ELAVL2: variants seen among roughly 807,000 people sequenced by gnomAD.
The protein encoded by ELAVL2 is ELAV like RNA binding protein 2.
A neutral mutation model predicts 34.6 loss-of-function variants in ELAVL2; 4 were observed. The ratio of observed to expected loss-of-function variants is 0.12; its 90% CI spans 0.06 to 0.26. The LOEUF is 0.26. Ranked by LOEUF, ELAVL2 falls within the 10% of genes least tolerant of loss-of-function variation. The probability of loss-of-function intolerance (pLI) is 1.00; values close to 1 mark genes in which losing one functional copy is unlikely to be tolerated. For missense variants in ELAVL2, 432 were observed against 442.8 expected, an observed-to-expected ratio of 0.98 and a Z score of 0.22; for synonymous variants, 193 against 154.8, an observed-to-expected ratio of 1.25 and a Z score of -1.83.
At chr9:23,772,230 T>G (rs567090607) in intron 1 of ELAVL2, among the ~76,000 whole-genome samples, 1 of 152,098 alleles carries the variant, frequency 6.6e-6, no homozygotes, top group East Asian at 1.9e-4. Flanking sequence ...ATCCTCAAAT[T>G]AATCCCAGTA....
chr9:23,739,677 T>C (rs572705839), intron 2 of ELAVL2, among the ~76,000 whole-genome samples: 1 of 152,102 alleles, frequency 6.6e-6, no homozygotes, highest in African/African-American at 2.4e-5. Flanking sequence ...CAAAATAGTA[T>C]TGTGGTAGAG....
intron 5 of ELAVL2, among the ~76,000 whole-genome samples, chr9:23,699,664 A>C (rs768856409): frequency 1.3e-5 from 2 of 152,088 alleles, no homozygotes; most frequent in Non-Finnish European, 2.9e-5. Flanking sequence ...TATTCACTTA[A>C]GATGTCACAG....
rs2032874194 is a variant in ELAVL2 at position 23,690,640 on chromosome 9, A to G, written c.*1917T>C. The G allele has an allele frequency of 6.6e-6, 1 of 152,480 alleles. No individual in the cohort carries two copies. The highest frequency in any genetic ancestry group is 2.4e-5 in the African/African-American group (1 of 41,402). 9.4% of individuals were successfully genotyped at this position (152,480 alleles called of 1,614,324 possible). On this transcript the variant is annotated 3_prime_UTR_variant, in exon 7 of 7. Coordinates refer to ENST00000397312, the MANE Select transcript of ELAVL2 (RefSeq NM_004432.5). Reference sequence around the variant, plus strand: ...AAAAATTTTATAACTACAATTTTAAATAATAAAAAATAAAACTCAAAGCAA... The same window carrying G: ...AAAAATTTTATAACTACAATTTTAAGTAATAAAAAATAAAACTCAAAGCAA...
At chr9:23,741,960 C>T (rs1248583423) in intron 2 of ELAVL2, among the ~76,000 whole-genome samples, 11 of 152,108 alleles carry the variant, frequency 7.2e-5, no homozygotes, top group Admixed American at 7.2e-4. Context: ...TACAGGCCTT[C>T]TAGAGTAATG....
intron 2 of ELAVL2, among the ~76,000 whole-genome samples, chr9:23,746,747 A>T (rs1168412908): frequency 6.6e-6 from 1 of 151,924 alleles, no homozygotes; most frequent in Admixed American, 6.6e-5. Context: ...GACCCTAATG[A>T]AATGTAAGAC....
chr9:23,774,084 G>A (rs187758705), intron 1 of ELAVL2, among the ~76,000 whole-genome samples: 2 of 151,638 alleles, frequency 1.3e-5, no homozygotes, highest in South Asian at 2.1e-4. Flanking sequence ...GGTGGCGGGC[G>A]CCTGTAGTCC....
chr9:23,717,208 A>C (rs937442938), intron 3 of ELAVL2, among the ~76,000 whole-genome samples: 1 of 152,216 alleles, frequency 6.6e-6, no homozygotes, highest in African/African-American at 2.4e-5. Context: ...ATGAAAATAT[A>C]ATGATCCTTT....
chr9:23,829,455 AG>A (rs2065430250), upstream of ELAVL2, among the ~76,000 whole-genome samples: 1 of 152,244 alleles, frequency 6.6e-6, no homozygotes, highest in Non-Finnish European at 1.5e-5. Flanking sequence ...AAGTAAATAA[AG>A]AAGTTAAACT....
chr9:23,805,226 C>T lies in ELAVL2; in HGVS notation c.-16+20580G>A, dbSNP rs533191292. 7.2e-5 allele frequency among the ~76,000 whole-genome samples: 11 copies of T among 152,206 alleles called. No homozygotes were observed. In the South Asian group the frequency reaches 2.1e-3, roughly 29 times the overall value. On this transcript the variant is annotated intron_variant, in intron 1 of 6. Transcript: ENST00000397312. ...CCTAGTTTAAAACAAACCACATCTC[C>T]GTAAAAGAAATATGGCTAAATGGCT...
At chr9:23,800,465 C>T (rs546618820) in intron 1 of ELAVL2, among the ~76,000 whole-genome samples, 2 of 152,270 alleles carry the variant, frequency 1.3e-5, no homozygotes, top group East Asian at 3.9e-4. Context: ...AGGAGAAGGA[C>T]CTCACAAGCT....
rs147832591 is a variant in ELAVL2 at position 23,715,533 on chromosome 9, G to A, written c.334-10462C>T. 5.5e-3 allele frequency among the ~76,000 whole-genome samples: 838 copies of A among 152,336 alleles called. 4 individuals are homozygous for A. The highest frequency in any genetic ancestry group is 0.01 in the South Asian group (49 of 4,824). On this transcript the variant is annotated intron_variant, in intron 3 of 6. Transcript: ENST00000397312. ...ATAACTTGGCTTTTGCTGCTTCACT[G>A]AAAACAACGCAGGCTAAATTGGCTT...
intron 1 of ELAVL2, among the ~76,000 whole-genome samples, chr9:23,814,523 G>C (rs1455241839): frequency 1.3e-5 from 2 of 152,122 alleles, no homozygotes; most frequent in East Asian, 1.9e-4. Flanking sequence ...TGATGACCTC[G>C]TATTTGGGAA....
At chr9:23,793,960 T>C (rs989984992) in intron 1 of ELAVL2, among the ~76,000 whole-genome samples, 6 of 152,202 alleles carry the variant, frequency 3.9e-5, no homozygotes, top group Non-Finnish European at 1.5e-5. Context: ...GCATGCACTA[T>C]ATCATACAGC....
At chr9:23,824,478 C>G (rs1025059778) in intron 1 of ELAVL2, among the ~76,000 whole-genome samples, 6 of 152,152 alleles carry the variant, frequency 3.9e-5, no homozygotes, top group Non-Finnish European at 8.8e-5. Flanking sequence ...GGGTGAGGAG[C>G]AACGAGACGT....
intron 1 of ELAVL2, among the ~76,000 whole-genome samples, chr9:23,816,943 T>G (rs10966087): frequency 6.6e-6 from 1 of 152,048 alleles, no homozygotes; most frequent in South Asian, 2.1e-4. Flanking sequence ...CAGGAGCATC[T>G]GTATTAGATT....
intron 2 of ELAVL2, among the ~76,000 whole-genome samples, chr9:23,743,526 A>G (rs998050070): frequency 2.0e-5 from 3 of 152,192 alleles, no homozygotes; most frequent in African/African-American, 7.2e-5. Context: ...GAATGAGCAG[A>G]GCACAGAGGC....
rs192599035 is a variant in ELAVL2 at position 23,786,571 on chromosome 9, T to C, written c.-15-24322A>G. Among the ~76,000 whole-genome samples the C allele has an allele frequency of 1.2e-3, 190 of 152,200 alleles. 1 individual carries two copies. Among genetic ancestry groups the C allele is most frequent in the African/African-American group, 4.4e-3 (184 of 41,526 alleles). On this transcript the variant is annotated intron_variant, in intron 1 of 6. Transcript: ENST00000397312. ...TAAAAATAGAAAGACAGTTATCCCT[T>C]TCAACTGGTGTTGATCTGCCCTTTA...
intron 2 of ELAVL2, among the ~76,000 whole-genome samples, chr9:23,748,755 G>A (rs1229164457): frequency 6.6e-6 from 1 of 152,094 alleles, no homozygotes; most frequent in Admixed American, 6.6e-5. Flanking sequence ...AGGGGGAGGG[G>A]TTGGTCCCTA....
the ELAVL2 span, among the ~76,000 whole-genome samples, chr9:23,833,432 T>C: frequency 6.6e-6 from 1 of 151,874 alleles, no homozygotes; most frequent in Non-Finnish European, 1.5e-5. Context: ...TTAATACAGA[T>C]AAGACTTTTT....
Sources: allele counts gnomAD v4.1 joint callset (sites outside exome capture counted in the v4.1 genomes callset), GRCh38; gene constraint gnomAD v4.1.1; transcripts MANE v1.5; gene names NCBI Gene and HGNC (gene_info 2026-07-23, HGNC 2026-07-21).